ZFHX3: variants seen among roughly 807,000 people sequenced by gnomAD.
ZFHX3 encodes zinc finger homeobox protein 3.
In ZFHX3, 42 loss-of-function variants were observed where a neutral mutation model predicts 279.1. The observed-to-expected ratio is 0.15, with a 90% confidence interval of 0.12 to 0.19. The LOEUF (loss-of-function observed/expected upper bound fraction) is 0.19, where lower values mean the gene tolerates loss of function less well. Ranked by LOEUF, ZFHX3 falls within the 10% of genes least tolerant of loss-of-function variation. The pLI is 1.00. For missense variants in ZFHX3, 4,981 were observed against 4,754.0 expected, an observed-to-expected ratio of 1.05 and a Z score of -1.40; for synonymous variants, 2,293 against 1,957.8, an observed-to-expected ratio of 1.17 and a Z score of -4.52.
At chr16:73,705,823 C>A (rs1400703575) in intron 1 of ZFHX3, among the ~76,000 whole-genome samples, 5 of 152,202 alleles carry the variant, frequency 3.3e-5, no homozygotes, top group Admixed American at 3.3e-4. Flanking sequence ...TTCCAACCCT[C>A]ATGGACCCAT....
intron 2 of ZFHX3, among the ~76,000 whole-genome samples, chr16:73,619,421 G>C (rs2052335754): frequency 6.6e-6 from 1 of 151,418 alleles, no homozygotes; most frequent in African/African-American, 2.4e-5. Flanking sequence ...CCGGGAGGCA[G>C]AGCTGGCAGT....
At chr16:73,751,657 T>C (rs950085259) in intron 1 of ZFHX3, among the ~76,000 whole-genome samples, 2 of 152,244 alleles carry the variant, frequency 1.3e-5, no homozygotes, top group African/African-American at 4.8e-5. Context: ...CATAGTTTTA[T>C]AGGCCTATCT....
chr16:73,866,169 A>AT (rs34324522), intron 1 of ZFHX3, among the ~76,000 whole-genome samples: 3,376 of 74,604 alleles, frequency 0.045, 453 homozygotes, highest in African/African-American at 0.1. Flanking sequence ...TGCCAGGCTA[A>AT]TTTTTTTTTT....
intron 2 of ZFHX3, among the ~76,000 whole-genome samples, chr16:73,526,471 TA>T (rs1291384346): frequency 6.6e-6 from 1 of 152,242 alleles, no homozygotes; most frequent in Non-Finnish European, 1.5e-5. Flanking sequence ...CTTAATGTTA[TA>T]CTTTAGCTTA....
intron 1 of ZFHX3, among the ~76,000 whole-genome samples, chr16:73,805,230 ACAAC>A (rs1960247360): frequency 6.6e-6 from 1 of 152,060 alleles, no homozygotes; most frequent in African/African-American, 2.4e-5. Context: ...GTGCAATGGC[ACAAC>A]CTCTGCTCAC....
chr16:73,451,748 G>A (rs1344018732), intron 3 of ZFHX3, among the ~76,000 whole-genome samples: 3 of 152,018 alleles, frequency 2.0e-5, no homozygotes, highest in African/African-American at 7.3e-5. Flanking sequence ...AGGTTTTTGG[G>A]CATAAAAGAA....
At chr16:73,168,211 T>TTTTC (rs71156144) in intron 5 of ZFHX3, among the ~76,000 whole-genome samples, 16,853 of 94,886 alleles carry the variant, frequency 0.18, 2,586 homozygotes, top group Middle Eastern at 0.22. Context: ...GTTTCTTTTG[T>TTTTC]TTTCTTTCTT....
chr16:72,852,895 G>A (rs985204349), intron 4 of ZFHX3, among the ~76,000 whole-genome samples: 1 of 152,268 alleles, frequency 6.6e-6, no homozygotes, highest in Non-Finnish European at 1.5e-5. Context: ...TAAACTATCC[G>A]TTCATGCCTC....
chr16:73,330,115 A>AGCAG (rs149184529), intron 3 of ZFHX3, among the ~76,000 whole-genome samples: 2,446 of 152,294 alleles, frequency 0.016, 49 homozygotes, highest in Admixed American at 0.071. Flanking sequence ...AGTCAGTATG[A>AGCAG]GCAGGCGCTC....
intron 1 of ZFHX3, among the ~76,000 whole-genome samples, chr16:72,993,524 C>T (rs1963169548): frequency 6.6e-6 from 1 of 152,076 alleles, no homozygotes; most frequent in Non-Finnish European, 1.5e-5. Context: ...TAAAACTGCA[C>T]AAAAAAGAAC....
intron 8 of ZFHX3, among the ~76,000 whole-genome samples, chr16:73,068,015 C>T (rs1203079890): frequency 2.6e-5 from 4 of 152,154 alleles, no homozygotes; most frequent in African/African-American, 4.8e-5. Flanking sequence ...TCTTTTCCTA[C>T]CTCCCTAGAG....
chr16:72,844,473 C>T (rs75096399), intron 4 of ZFHX3, among the ~76,000 whole-genome samples: 5,206 of 152,172 alleles, frequency 0.034, 213 homozygotes, highest in African/African-American at 0.087. Flanking sequence ...CTGCCTCCCT[C>T]GCCCAACCAT....
At chr16:73,419,902 T>C (rs2017682577) in intron 3 of ZFHX3, among the ~76,000 whole-genome samples, 1 of 148,892 alleles carries the variant, frequency 6.7e-6, no homozygotes, top group Admixed American at 6.7e-5. Flanking sequence ...TATATATAGA[T>C]AGATAATTTT....
At chr16:73,254,583 C>T (rs1228645589) in intron 5 of ZFHX3, among the ~76,000 whole-genome samples, 1 of 152,000 alleles carries the variant, frequency 6.6e-6, no homozygotes, top group Non-Finnish European at 1.5e-5. Flanking sequence ...CTATACTCTT[C>T]ACCCAGCTTC....
intron 3 of ZFHX3, among the ~76,000 whole-genome samples, chr16:72,916,188 G>A (rs779813366): frequency 6.6e-5 from 10 of 151,960 alleles, no homozygotes; most frequent in Non-Finnish European, 1.3e-4. Context: ...CCCCTCCTCC[G>A]CCTTTCTTTT....
chr16:73,045,699 G>A (rs1378648186), intron 1 of ZFHX3, among the ~76,000 whole-genome samples: 1 of 144,114 alleles, frequency 6.9e-6, no homozygotes, highest in African/African-American at 2.5e-5. Context: ...TAGTTAGCAA[G>A]TGTTTCTCAA....
intron 4 of ZFHX3, among the ~76,000 whole-genome samples, chr16:72,845,323 C>T (rs938599192): frequency 1.3e-5 from 2 of 152,198 alleles, no homozygotes; most frequent in South Asian, 4.1e-4. Flanking sequence ...GCAGCCCGGC[C>T]TGTGATGGGA....
At chr16:73,427,655 G>A (rs1189061070) in intron 3 of ZFHX3, among the ~76,000 whole-genome samples, 1 of 152,154 alleles carries the variant, frequency 6.6e-6, no homozygotes, top group Admixed American at 6.5e-5. Context: ...TAGGTACTTG[G>A]CTGGACAAAG....
At chr16:73,315,461 T>C (rs1030319489) in intron 4 of ZFHX3, among the ~76,000 whole-genome samples, 1 of 152,186 alleles carries the variant, frequency 6.6e-6, no homozygotes, top group Admixed American at 6.5e-5. Context: ...ATTTCACTTT[T>C]GCCAGATTTC....
Sources: allele counts gnomAD v4.1 joint callset (sites outside exome capture counted in the v4.1 genomes callset), GRCh38; gene constraint gnomAD v4.1.1; transcripts MANE v1.5; gene names NCBI Gene and HGNC (gene_info 2026-07-23, HGNC 2026-07-21).